The following OSBPL8 variants were observed in gnomAD, a reference collection of about 807,000 sequenced individuals.
OSBPL8 encodes the protein oxysterol binding protein like 8.
Under a neutral mutation model 125.5 loss-of-function variants are expected in OSBPL8, and 59 were observed. The observed-to-expected ratio is 0.47, with a 90% CI of 0.38 to 0.58. The LOEUF is 0.58. OSBPL8 is among the 20% of genes least tolerant of loss of function. The probability of loss-of-function intolerance (pLI) is 0.00; values close to 1 mark genes in which losing one functional copy is unlikely to be tolerated. For synonymous variants in OSBPL8, 330 were observed against 338.9 expected (o/e 0.97, Z 0.29); for missense variants, 758 against 1,047.8 (o/e 0.72, Z 3.82).
intron 15 of OSBPL8, among the ~76,000 whole-genome samples, chr12:76,381,072 TCATC>T (rs1266992604): frequency 6.6e-6 from 1 of 152,178 alleles, no homozygotes; most frequent in Non-Finnish European, 1.5e-5. Context: ...AAAATCCATT[TCATC>T]ATATTATTCT....
intron 2 of OSBPL8, 77 bp downstream of exon 2, chr12:76,487,432 TA>T: frequency 7.9e-7 from 1 of 1,264,880 alleles, no homozygotes. Context: ...TAATATATTT[TA>T]AAAACAAAAC....
intron 4 of OSBPL8, chr12:76,422,646 C>T: frequency 2.2e-6 from 1 of 456,484 alleles, no homozygotes; most frequent in South Asian, 1.5e-5. Flanking sequence ...GAGCTCTCTT[C>T]TTTCATAGCT....
chr12:76,503,831 C>G (rs915049959), intron 1 of OSBPL8, among the ~76,000 whole-genome samples: 4 of 152,132 alleles, frequency 2.6e-5, no homozygotes, highest in Admixed American at 2.6e-4. Flanking sequence ...GCATAAGCCA[C>G]CGCGCCTGGC....
intron 21 of OSBPL8, among the ~76,000 whole-genome samples, chr12:76,364,542 C>T (rs1565826384): frequency 6.6e-6 from 1 of 152,132 alleles, no homozygotes. Flanking sequence ...GGAGAAATAC[C>T]TAATGTAGAT....
chr12:76,478,978 G>C (rs142843164), intron 2 of OSBPL8, among the ~76,000 whole-genome samples: 251 of 152,208 alleles, frequency 1.6e-3, no homozygotes, highest in African/African-American at 5.8e-3. Flanking sequence ...CCAGCTGCTC[G>C]GGAGGCTGAG....
chr12:76,504,189 T>C (rs1880187831), intron 1 of OSBPL8, among the ~76,000 whole-genome samples: 1 of 152,186 alleles, frequency 6.6e-6, no homozygotes, highest in East Asian at 1.9e-4. Flanking sequence ...TTCCAGCCTG[T>C]TGACCTACCC....
intron 1 of OSBPL8, among the ~76,000 whole-genome samples, chr12:76,548,400 TGG>T (rs1323338628): frequency 1.3e-5 from 2 of 151,900 alleles, no homozygotes; most frequent in Non-Finnish European, 2.9e-5. Context: ...CAGCAGAGGG[TGG>T]AAATAAATAG....
chr12:76,507,275 A>G (rs2137156730), intron 1 of OSBPL8, among the ~76,000 whole-genome samples: 1 of 151,894 alleles, frequency 6.6e-6, no homozygotes, highest in South Asian at 2.1e-4. Context: ...GGATTTACAA[A>G]TAGTTATTTC....
chr12:76,438,063 T>G (rs1031896254), intron 4 of OSBPL8, among the ~76,000 whole-genome samples: 2 of 152,074 alleles, frequency 1.3e-5, no homozygotes, highest in Admixed American at 6.5e-5. Context: ...CTCGGCTCAC[T>G]GCAAGCTCTG....
chr12:76,529,044 C>T (rs1183360246), intron 1 of OSBPL8, among the ~76,000 whole-genome samples: 1 of 152,028 alleles, frequency 6.6e-6, no homozygotes. Context: ...GTCACTACTT[C>T]ATTTCAATCT....
intron 1 of OSBPL8, among the ~76,000 whole-genome samples, chr12:76,549,918 A>G (rs1252721358): frequency 1.3e-5 from 2 of 150,658 alleles, no homozygotes; most frequent in Admixed American, 6.6e-5. Context: ...GATCAAGCAG[A>G]TGCAAAAAAA....
At chr12:76,408,375 T>C (rs1954363386) in intron 5 of OSBPL8, among the ~76,000 whole-genome samples, 1 of 141,322 alleles carries the variant, frequency 7.1e-6, no homozygotes. Flanking sequence ...GGCAGAAGAA[T>C]GGCGTGAACC....
chr12:76,411,913 C>G lies in OSBPL8; in HGVS notation c.218-1279G>C, dbSNP rs185355563. Reference sequence around the variant, plus strand: ...AACATAGAGCAACTGAAACTCTGTTCACTACTGGTGAGAACATAGAGTGGC... The same window carrying G: ...AACATAGAGCAACTGAAACTCTGTTGACTACTGGTGAGAACATAGAGTGGC... On this transcript the variant is annotated intron_variant, in intron 4 of 23. Transcript: ENST00000261183. Among the ~76,000 whole-genome samples the G allele has an allele frequency of 2.0e-3, 302 of 152,190 alleles. 5 individuals carry two copies. Among genetic ancestry groups the G allele is most frequent in the Admixed American group, 0.019 (294 of 15,274 alleles).
At chr12:76,488,566 T>C (rs941065913) in intron 1 of OSBPL8, among the ~76,000 whole-genome samples, 5 of 152,348 alleles carry the variant, frequency 3.3e-5, no homozygotes, top group South Asian at 4.1e-4. Flanking sequence ...TCAACCCTTT[T>C]CATTAAAGTA....
intron 1 of OSBPL8, among the ~76,000 whole-genome samples, chr12:76,540,872 A>C (rs906662201): frequency 2.6e-5 from 4 of 152,202 alleles, no homozygotes; most frequent in Non-Finnish European, 5.9e-5. Context: ...AAACCTTAAC[A>C]TATTAGAATT....
At chr12:76,414,915 T>C (rs1311016896) in intron 4 of OSBPL8, among the ~76,000 whole-genome samples, 1 of 152,218 alleles carries the variant, frequency 6.6e-6, no homozygotes, top group African/African-American at 2.4e-5. Context: ...ACCACATTTA[T>C]TTCTAATGTT....
intron 4 of OSBPL8, among the ~76,000 whole-genome samples, chr12:76,428,371 CA>C (rs1870407402): frequency 6.6e-6 from 1 of 151,366 alleles, no homozygotes; most frequent in African/African-American, 2.4e-5. Context: ...GTTGTCTGGA[CA>C]AATTCCAGAC....
In OSBPL8 at chr12:76,419,655, T is replaced by TA. The variant is rs527242423; in HGVS notation, c.218-9022dup. Among the ~76,000 whole-genome samples the TA allele has an allele frequency of 1.7e-3, 257 of 152,236 alleles. 6 individuals carry two copies. The highest frequency in any genetic ancestry group is 6.8e-3 in the Middle Eastern group (2 of 294). On this transcript the variant is annotated intron_variant, in intron 4 of 23. Transcript: ENST00000261183. ...CTCTTCATATAAAAAGAAAAAAACA[T>TA]AGTAATGAGTTTCAGAAATGTTTTT... is the stretch of plus-strand genomic sequence containing the variant.
At position 76,491,549 on chromosome 12, in the gene OSBPL8, C is replaced by T. The variant is rs139688520; in HGVS notation, c.-67-3931G>A. On this transcript the variant is annotated intron_variant, in intron 1 of 23. Coordinates refer to ENST00000261183, the MANE Select transcript of OSBPL8 (RefSeq NM_020841.5). ...CAATAGAGTAGCCCAAGAGACTACT[C>T]TGACTTTCAATTTAGAAACATTATA... Among the ~76,000 whole-genome samples the T allele has an allele frequency of 6.2e-3, 937 of 152,298 alleles. 6 individuals carry two copies. The highest frequency in any genetic ancestry group is 0.037 in the Middle Eastern group (11 of 294).
Sources: allele counts gnomAD v4.1 joint callset (sites outside exome capture counted in the v4.1 genomes callset), GRCh38; gene constraint gnomAD v4.1.1; transcripts MANE v1.5; gene names NCBI Gene and HGNC (gene_info 2026-07-23, HGNC 2026-07-21).